STAG1: variants seen among roughly 807,000 people sequenced by gnomAD.
STAG1 encodes cohesin subunit SA-1.
A neutral mutation model predicts 170.9 loss-of-function variants in STAG1; 26 were observed. The observed-to-expected ratio is 0.15, with a 90% CI of 0.11 to 0.21. STAG1 has a LOEUF of 0.21. Among genes scored for constraint, STAG1 ranks in the 10% least tolerant of loss-of-function variants. The probability of loss-of-function intolerance (pLI) is 1.00; values close to 1 mark genes in which losing one functional copy is unlikely to be tolerated. For synonymous variants in STAG1, 514 were observed against 497.7 expected (o/e 1.03, Z -0.44); for missense variants, 964 against 1,509.5 (o/e 0.64, Z 5.99).
chr3:136,717,957 C>A (rs1241183614), intron 1 of STAG1, among the ~76,000 whole-genome samples: 1 of 152,100 alleles, frequency 6.6e-6, no homozygotes, highest in African/African-American at 2.4e-5. Flanking sequence ...TCCACACCCT[C>A]AAAATTTTGT....
At chr3:136,665,259 T>C (rs980580420) in intron 1 of STAG1, among the ~76,000 whole-genome samples, 2 of 152,206 alleles carry the variant, frequency 1.3e-5, no homozygotes, top group Non-Finnish European at 2.9e-5. Context: ...ATGAGATCTT[T>C]GAGGACCTTG....
At position 136,463,360 on chromosome 3, in the gene STAG1, G is replaced by T. The variant is rs373334755; in HGVS notation, c.1313+1521C>A. 1.1e-4 allele frequency among the ~76,000 whole-genome samples: 16 copies of T among 152,222 alleles called. No individual in the cohort carries two copies. The East Asian group carries it at 2.9e-3, about 28-fold the overall frequency. On this transcript the variant is annotated intron_variant, in intron 13 of 33. Coordinates refer to ENST00000383202, the MANE Select transcript of STAG1 (RefSeq NM_005862.3). ...ATGCAGATACTGGAGAGAGGACCAG[G>T]CCTGCTCATTATCAAAGTTAGTCAA...
At chr3:136,364,667 GA>G (rs1425562103) in intron 25 of STAG1, among the ~76,000 whole-genome samples, 1 of 152,148 alleles carries the variant, frequency 6.6e-6, no homozygotes, top group Non-Finnish European at 1.5e-5. Context: ...CAGTGACTGG[GA>G]AAAGTTATAA....
intron 12 of STAG1, 72 bp from the exon 13 acceptor site, chr3:136,465,060 G>A (rs2089413021): frequency 4.4e-6 from 5 of 1,148,254 alleles, no homozygotes; most frequent in East Asian, 2.6e-5. Flanking sequence ...ATTTAAACTT[G>A]CTAAAGTTCA....
At chr3:136,624,455 T>C (rs1194142054) in intron 2 of STAG1, among the ~76,000 whole-genome samples, 1 of 152,190 alleles carries the variant, frequency 6.6e-6, no homozygotes, top group African/African-American at 2.4e-5. Flanking sequence ...AATTTTAACA[T>C]GAAAGGTGGT....
At chr3:136,378,552 G>A (rs568567887) in intron 22 of STAG1, among the ~76,000 whole-genome samples, 78 of 152,208 alleles carry the variant, frequency 5.1e-4, no homozygotes, top group Non-Finnish European at 9.4e-4. Flanking sequence ...CCTGTAGTCC[G>A]AGTTACTGGG....
chr3:136,597,763 A>G (rs1938492715), intron 4 of STAG1, among the ~76,000 whole-genome samples: 1 of 149,880 alleles, frequency 6.7e-6, no homozygotes, highest in South Asian at 2.1e-4. Flanking sequence ...ATACTTTTGC[A>G]TCTTCATCTT....
intron 1 of STAG1, among the ~76,000 whole-genome samples, chr3:136,739,503 C>CAAAAAAAAA: frequency 2.2e-5 from 1 of 45,692 alleles, no homozygotes; most frequent in Non-Finnish European, 4.4e-5. Context: ...CAGACTCCGT[C>CAAAAAAAAA]AAAAAAAAAA....
At chr3:136,366,703 T>C (rs569785336) in intron 25 of STAG1, among the ~76,000 whole-genome samples, 1 of 152,084 alleles carries the variant, frequency 6.6e-6, no homozygotes, top group Non-Finnish European at 1.5e-5. Flanking sequence ...AGGAACAAAA[T>C]GGAGCTTATG....
intron 23 of STAG1, among the ~76,000 whole-genome samples, chr3:136,376,911 C>T (rs1392996961): frequency 1.3e-5 from 2 of 151,720 alleles, no homozygotes; most frequent in South Asian, 2.1e-4. Flanking sequence ...CTGCCTCAGT[C>T]TCCCAAGTAG....
intron 1 of STAG1, among the ~76,000 whole-genome samples, chr3:136,721,205 A>C (rs1466085561): frequency 6.6e-6 from 1 of 152,230 alleles, no homozygotes; most frequent in Non-Finnish European, 1.5e-5. Context: ...AAGCTTACAG[A>C]CAAGAGATCA....
At position 136,475,310 on chromosome 3, in the gene STAG1, C is replaced by G. The variant is rs1025994787; in HGVS notation, c.1027-1673G>C. Among the ~76,000 whole-genome samples the G allele has an allele frequency of 3.9e-5, 6 of 151,964 alleles. No individual in the cohort carries two copies. In the South Asian group the frequency reaches 1.3e-3, roughly 32 times the overall value. On this transcript the variant is annotated intron_variant, in intron 10 of 33. Coordinates refer to ENST00000383202, the MANE Select transcript of STAG1 (RefSeq NM_005862.3). ...TACAGGTGCCCACCACCATGCCCAGCAAAGTTTTCCATTTTTAGTAGAGAC... is the reference window on the plus strand; with the variant it reads ...TACAGGTGCCCACCACCATGCCCAGGAAAGTTTTCCATTTTTAGTAGAGAC...
intron 20 of STAG1, among the ~76,000 whole-genome samples, chr3:136,418,601 T>C (rs937160685): frequency 5.9e-5 from 9 of 151,862 alleles, no homozygotes; most frequent in Admixed American, 3.9e-4. Context: ...GCTTATATTC[T>C]ATTCCATATA....
At chr3:136,569,006 AAAAGT>A in intron 4 of STAG1, 145 bp from the exon 5 acceptor site, 1 of 606,080 alleles carries the variant, frequency 1.6e-6, no homozygotes, top group Non-Finnish European at 2.9e-6. Flanking sequence ...GTAGCCTAAT[AAAAGT>A]AGAGACTCCC....
intron 9 of STAG1, among the ~76,000 whole-genome samples, chr3:136,498,274 CACACACACAT>C (rs1342100600): frequency 2.5e-5 from 1 of 39,878 alleles, no homozygotes; most frequent in Non-Finnish European, 4.9e-5. Context: ...ACACACACAC[CACACACACAT>C]ACACACACAC....
chr3:136,714,990 A>T (rs1402130239), intron 1 of STAG1, among the ~76,000 whole-genome samples: 33 of 109,730 alleles, frequency 3.0e-4, no homozygotes, highest in African/African-American at 9.0e-4. Flanking sequence ...TTATATATAT[A>T]TTTTATATAT....
At chr3:136,606,732 G>T (rs1938959691) in intron 3 of STAG1, among the ~76,000 whole-genome samples, 1 of 148,582 alleles carries the variant, frequency 6.7e-6, no homozygotes, top group Admixed American at 6.7e-5. Context: ...GATTTGAGAA[G>T]AAAGGAGAGG....
At chr3:136,725,438 AT>A (rs1254343241) in intron 1 of STAG1, among the ~76,000 whole-genome samples, 1 of 152,190 alleles carries the variant, frequency 6.6e-6, no homozygotes, top group East Asian at 1.9e-4. Flanking sequence ...CTACTCTACA[AT>A]TTGGCACTGA....
chr3:136,539,136 A>C (rs1253958508), intron 6 of STAG1, among the ~76,000 whole-genome samples: 1 of 151,730 alleles, frequency 6.6e-6, no homozygotes. Flanking sequence ...TCCGTCTCAA[A>C]AAAAAAAAAA....
Sources: gnomAD v4.1 joint callset for allele counts (sites outside exome capture counted in the v4.1 genomes callset) on GRCh38, gnomAD v4.1.1 for gene constraint, MANE v1.5 for transcripts, NCBI Gene and HGNC (gene_info 2026-07-23, HGNC 2026-07-21) for gene names.